The following SSH2 variants were observed in gnomAD, a reference collection of about 807,000 sequenced individuals.
SSH2 encodes the protein slingshot protein phosphatase 2, also known as protein phosphatase Slingshot homolog 2.
A neutral mutation model predicts 135.2 loss-of-function variants in SSH2; 37 were observed. The observed-to-expected ratio is 0.27, with a 90% confidence interval of 0.21 to 0.36. SSH2 has a LOEUF of 0.36. Among genes scored for constraint, SSH2 ranks in the 10% least tolerant of loss-of-function variants. The pLI is 1.00. For missense variants in SSH2, 1,408 were observed against 1,765.3 expected (o/e 0.80, Z 3.63); for synonymous variants, 628 against 646.2 (o/e 0.97, Z 0.43).
intron 2 of SSH2, among the ~76,000 whole-genome samples, chr17:29,806,294 G>C (rs1366548305): frequency 6.6e-6 from 1 of 152,180 alleles, no homozygotes; most frequent in Non-Finnish European, 1.5e-5. Context: ...TTCAGTTGAT[G>C]AATCTGCCTC....
intron 3 of SSH2, among the ~76,000 whole-genome samples, chr17:29,710,633 A>G (rs897363665): frequency 9.2e-5 from 14 of 152,246 alleles, no homozygotes; most frequent in African/African-American, 3.4e-4. Context: ...TCATGTTCCC[A>G]CTTGGTGTGA....
At chr17:29,770,451 A>AT (rs2041556786) in intron 3 of SSH2, among the ~76,000 whole-genome samples, 1 of 145,630 alleles carries the variant, frequency 6.9e-6, no homozygotes, top group African/African-American at 2.5e-5. Flanking sequence ...TTCAAGTCTC[A>AT]TTCTCTTTTT....
chr17:29,750,858 A>AC (rs1017873611), intron 3 of SSH2, among the ~76,000 whole-genome samples: 2 of 145,000 alleles, frequency 1.4e-5, no homozygotes, highest in African/African-American at 5.5e-5. Flanking sequence ...TACCAAAAAT[A>AC]CAAAAAAAAA....
At chr17:29,883,148 A>C (rs1362818510) in intron 1 of SSH2, 1 of 152,198 alleles carries the variant, frequency 6.6e-6, no homozygotes. Context: ...AGAAAAAAAA[A>C]ACTCTTATGC....
intron 5 of SSH2, among the ~76,000 whole-genome samples, chr17:29,692,082 A>G (rs1010966029): frequency 5.9e-5 from 9 of 151,538 alleles, no homozygotes; most frequent in African/African-American, 2.2e-4. Context: ...AGAGGTTGCA[A>G]TGGGCCAAGA....
At chr17:29,762,029 C>T (rs2041332472) in intron 3 of SSH2, among the ~76,000 whole-genome samples, 6 of 151,872 alleles carry the variant, frequency 4.0e-5, no homozygotes, top group Admixed American at 3.9e-4. Flanking sequence ...TACAGGTTTG[C>T]GCCACCACGC....
At chr17:29,894,872 C>A (rs546033297) in intron 1 of SSH2, among the ~76,000 whole-genome samples, 61 of 151,492 alleles carry the variant, frequency 4.0e-4, no homozygotes, top group Admixed American at 2.5e-3. Flanking sequence ...CTAGCTCCAC[C>A]CCCGCCCCCC....
At chr17:29,802,618 C>CA (rs74267073) in intron 2 of SSH2, among the ~76,000 whole-genome samples, 3,044 of 57,434 alleles carry the variant, frequency 0.053, 75 homozygotes, top group Middle Eastern at 0.12. Context: ...ACTGTTTCTA[C>CA]AAAAAAAAAA....
intron 1 of SSH2, among the ~76,000 whole-genome samples, chr17:29,914,165 G>T (rs1265445836): frequency 6.6e-6 from 1 of 152,114 alleles, no homozygotes; most frequent in Non-Finnish European, 1.5e-5. Flanking sequence ...CACAGTTGAG[G>T]TGATGTTCTG....
In SSH2 at chr17:29,716,578, A is replaced by G. The variant is rs569510188; in HGVS notation, c.189-13516T>C. The G allele has an allele frequency of 8.3e-5, 59 of 712,640 alleles. No individual in the cohort carries two copies. In the African/African-American group the frequency reaches 9.8e-4, roughly 12 times the overall value. The allele number at this position is 712,640 out of a possible 1,614,324, so 44.1% of individuals were successfully genotyped here. A position where few individuals can be genotyped will look rare whatever the true frequency, so the allele number is the denominator to read the frequency against. On this transcript the variant is annotated intron_variant, in intron 3 of 15. Coordinates refer to ENST00000540801, the MANE Select transcript of SSH2 (RefSeq NM_001282129.2). ...CCATTCCCTTGATGTCTACATTATC[A>G]CCTTTCTTATAGATTCGCATATGCA...
intron 2 of SSH2, among the ~76,000 whole-genome samples, chr17:29,812,496 T>C (rs917920909): frequency 3.3e-4 from 50 of 152,204 alleles, no homozygotes; most frequent in African/African-American, 8.9e-4. Flanking sequence ...ATTGCCCAGG[T>C]TGGTCTTGAA....
At chr17:29,881,808 C>A (rs2066143245) in intron 1 of SSH2, among the ~76,000 whole-genome samples, 1 of 152,040 alleles carries the variant, frequency 6.6e-6, no homozygotes, top group Non-Finnish European at 1.5e-5. Context: ...CCCACCACTG[C>A]GCCTGGCCCT....
chr17:29,868,704 C>T lies in SSH2; in HGVS notation c.64-19775G>A, dbSNP rs192517711. 5.6e-4 allele frequency among the ~76,000 whole-genome samples: 84 copies of T among 150,294 alleles called. 1 individual carries two copies. The highest frequency in any genetic ancestry group is 3.9e-3 in the Admixed American group (58 of 14,974). On this transcript the variant is annotated intron_variant, in intron 1 of 15. Coordinates refer to ENST00000540801, the MANE Select transcript of SSH2 (RefSeq NM_001282129.2). ...AGTGAGCTGAGATCGTGCCACTGCACTCCAGGCTGGTCGACAGAGCAAGAC... is the reference window on the plus strand; with the variant it reads ...AGTGAGCTGAGATCGTGCCACTGCATTCCAGGCTGGTCGACAGAGCAAGAC...
chr17:29,919,551 A>G (rs1432413632), intron 1 of SSH2, among the ~76,000 whole-genome samples: 1 of 152,224 alleles, frequency 6.6e-6, no homozygotes, highest in East Asian at 1.9e-4. Context: ...GAAACAAAGG[A>G]AGGGAATGTA....
rs1284675262 is a variant in SSH2 at position 29,848,979 on chromosome 17, A to G, written c.64-50T>C. Reference sequence around the variant, plus strand: ...AGAGATCCAAACGAATGGGCCCATAAGCACGAGGGGAAAAGCAAGCTGAAA... The same window carrying G: ...AGAGATCCAAACGAATGGGCCCATAGGCACGAGGGGAAAAGCAAGCTGAAA... On this transcript the variant is annotated intron_variant, in intron 1 of 15. Transcript: ENST00000540801. 4 of 1,280,750 alleles carry G rather than the reference A, an allele frequency of 3.1e-6. No individual in the cohort carries two copies. The South Asian group carries it at 5.1e-5, about 16-fold the overall frequency. The allele number at this position is 1,280,750 out of a possible 1,614,324, so 79.3% of individuals were successfully genotyped here.
chr17:29,896,925 C>T (rs192319819), intron 1 of SSH2, among the ~76,000 whole-genome samples: 2 of 151,462 alleles, frequency 1.3e-5, no homozygotes, highest in East Asian at 1.9e-4. Flanking sequence ...AAGGGGGGTA[C>T]GAAAATGAAC....
chr17:29,771,807 A>G (rs1318454388), intron 3 of SSH2, among the ~76,000 whole-genome samples: 1 of 152,198 alleles, frequency 6.6e-6, no homozygotes, highest in Non-Finnish European at 1.5e-5. Flanking sequence ...GCCCTGGCAG[A>G]GCAGCATCAT....
chr17:29,673,382 C>G (rs899236472), intron 8 of SSH2, among the ~76,000 whole-genome samples: 1 of 152,096 alleles, frequency 6.6e-6, no homozygotes, highest in Non-Finnish European at 1.5e-5. Context: ...TCAGCCTAAC[C>G]AACATGGTGA....
intron 2 of SSH2, among the ~76,000 whole-genome samples, chr17:29,846,524 GATA>G (rs1351422219): frequency 6.6e-6 from 1 of 152,160 alleles, no homozygotes; most frequent in Non-Finnish European, 1.5e-5. Context: ...GCAAAATACT[GATA>G]ATAAGTGTTC....
Sources: allele counts gnomAD v4.1 joint callset (sites outside exome capture counted in the v4.1 genomes callset), GRCh38; gene constraint gnomAD v4.1.1; transcripts MANE v1.5; gene names NCBI Gene and HGNC (gene_info 2026-07-23, HGNC 2026-07-21).